FSTL5: variants seen among roughly 807,000 people sequenced by gnomAD.
FSTL5 encodes follistatin-related protein 5.
A neutral mutation model predicts 89.1 loss-of-function variants in FSTL5; 62 were observed. That is an observed-to-expected ratio of 0.70 (90% CI 0.57 to 0.86). The LOEUF (loss-of-function observed/expected upper bound fraction) is 0.86, where lower values mean the gene tolerates loss of function less well. Among genes scored for constraint, FSTL5 ranks in the 40% least tolerant of loss-of-function variants. The probability of loss-of-function intolerance (pLI) is 0.00; values close to 1 mark genes in which losing one functional copy is unlikely to be tolerated. For synonymous variants in FSTL5, 383 were observed against 346.2 expected, an observed-to-expected ratio of 1.11 and a Z score of -1.18; for missense variants, 1,057 against 1,001.6, an observed-to-expected ratio of 1.06 and a Z score of -0.75.
intron 7 of FSTL5, among the ~76,000 whole-genome samples, chr4:161,592,385 C>T (rs1733849985): frequency 6.6e-6 from 1 of 152,034 alleles, no homozygotes; most frequent in African/African-American, 2.4e-5. Context: ...ATCAACTCGT[C>T]ATCTACATTA....
At chr4:161,876,118 C>G (rs1409119962) in intron 4 of FSTL5, among the ~76,000 whole-genome samples, 1 of 152,056 alleles carries the variant, frequency 6.6e-6, no homozygotes, top group African/African-American at 2.4e-5. Context: ...ACGTATTTAT[C>G]AGACATAAAT....
At chr4:161,647,411 T>C (rs1367834233) in intron 7 of FSTL5, among the ~76,000 whole-genome samples, 1 of 152,148 alleles carries the variant, frequency 6.6e-6, no homozygotes, top group East Asian at 1.9e-4. Flanking sequence ...AGTTTTGAAA[T>C]AAGGAAATGA....
intron 2 of FSTL5, among the ~76,000 whole-genome samples, chr4:162,046,336 G>C (rs1738176589): frequency 6.6e-6 from 1 of 152,068 alleles, no homozygotes; most frequent in Non-Finnish European, 1.5e-5. Context: ...TGAGTTATGG[G>C]GTAAAGGGAG....
intron 15 of FSTL5, among the ~76,000 whole-genome samples, chr4:161,424,629 T>C (rs1732110280): frequency 6.6e-6 from 1 of 152,170 alleles, no homozygotes; most frequent in Non-Finnish European, 1.5e-5. Context: ...CTTATTTTTC[T>C]CCAAAATTCA....
intron 6 of FSTL5, among the ~76,000 whole-genome samples, chr4:161,751,145 C>A (rs1424670597): frequency 1.3e-5 from 2 of 151,912 alleles, no homozygotes; most frequent in African/African-American, 2.4e-5. Flanking sequence ...TAGTGGTATC[C>A]CATTAAGGTA....
At chr4:161,658,473 A>G (rs140151699) in intron 6 of FSTL5, among the ~76,000 whole-genome samples, 2 of 151,772 alleles carry the variant, frequency 1.3e-5, no homozygotes, top group Non-Finnish European at 2.9e-5. Context: ...AAAAAAAAAT[A>G]GGGAATATTT....
At chr4:161,501,769 T>G (rs1366047876) in intron 11 of FSTL5, among the ~76,000 whole-genome samples, 1 of 151,962 alleles carries the variant, frequency 6.6e-6, no homozygotes, top group African/African-American at 2.4e-5. Context: ...CAGCTATTAT[T>G]TATAATCATA....
At chr4:161,710,959 C>G (rs1738756786) in intron 6 of FSTL5, among the ~76,000 whole-genome samples, 2 of 151,424 alleles carry the variant, frequency 1.3e-5, no homozygotes, top group Non-Finnish European at 2.9e-5. Context: ...AAGAAGAAAT[C>G]AAAAAAACAT....
Position 161,453,743 on chromosome 4 carries a change from C to G in FSTL5, c.1841+1261G>C, listed in dbSNP as rs112144920. Among the ~76,000 whole-genome samples, 220 of 152,134 alleles carry G rather than the reference C, an allele frequency of 1.4e-3. 2 individuals carry two copies. Among genetic ancestry groups the G allele is most frequent in the African/African-American group, 5.0e-3 (207 of 41,510 alleles). ...ACGAGCAGCTGGGACTACAGACATG[C>G]ACCACCATGTCGGCTAATTTTTGTA... On this transcript the variant is annotated intron_variant, in intron 15 of 15. Transcript: ENST00000306100.
intron 3 of FSTL5, among the ~76,000 whole-genome samples, chr4:161,946,689 A>G (rs1734742689): frequency 6.6e-6 from 1 of 152,196 alleles, no homozygotes. Context: ...GATAATATGA[A>G]TAAAGCTGCT....
chr4:161,655,120 T>C (rs1198047738), intron 7 of FSTL5, among the ~76,000 whole-genome samples: 2 of 152,220 alleles, frequency 1.3e-5, no homozygotes, highest in Admixed American at 6.5e-5. Context: ...AAAAAGTGTC[T>C]TTATTGTCTT....
intron 4 of FSTL5, among the ~76,000 whole-genome samples, chr4:161,847,799 G>T (rs1339488048): frequency 6.6e-6 from 1 of 151,922 alleles, no homozygotes; most frequent in South Asian, 2.1e-4. Context: ...GACTTTGGGA[G>T]GCCAGGGCGG....
intron 4 of FSTL5, among the ~76,000 whole-genome samples, chr4:161,893,521 AT>A (rs1351786385): frequency 6.6e-6 from 1 of 152,176 alleles, no homozygotes; most frequent in Non-Finnish European, 1.5e-5. Flanking sequence ...AACCACTGGC[AT>A]TATCAGAATG....
chr4:161,522,249 G>A (rs1344918399), intron 10 of FSTL5, among the ~76,000 whole-genome samples: 3 of 152,194 alleles, frequency 2.0e-5, no homozygotes, highest in African/African-American at 7.2e-5. Flanking sequence ...AAGTGACAGA[G>A]ACAGCAAGAA....
intron 4 of FSTL5, among the ~76,000 whole-genome samples, chr4:161,904,481 A>C (rs1733463911): frequency 6.6e-6 from 1 of 152,042 alleles, no homozygotes; most frequent in African/African-American, 2.4e-5. Context: ...TTTTCTCAGA[A>C]TAAGAATACA....
At chr4:162,143,131 G>A (rs1579060845) in intron 1 of FSTL5, among the ~76,000 whole-genome samples, 1 of 151,756 alleles carries the variant, frequency 6.6e-6, no homozygotes, top group East Asian at 1.9e-4. Context: ...CTGATTATAG[G>A]TAACATTAGA....
At chr4:161,660,511 G>T (rs549775855) in intron 6 of FSTL5, among the ~76,000 whole-genome samples, 15 of 152,186 alleles carry the variant, frequency 9.9e-5, no homozygotes, top group African/African-American at 3.6e-4. Flanking sequence ...ACATGTATGG[G>T]TTTGTTACAT....
chr4:161,629,878 A>G (rs563038824), intron 7 of FSTL5, among the ~76,000 whole-genome samples: 15 of 152,302 alleles, frequency 9.8e-5, no homozygotes, highest in African/African-American at 3.4e-4. Context: ...CCCCTGAACG[A>G]CAGAGTTGGC....
At chr4:161,892,943 G>A (rs1733035551) in intron 4 of FSTL5, among the ~76,000 whole-genome samples, 1 of 151,970 alleles carries the variant, frequency 6.6e-6, no homozygotes, top group Non-Finnish European at 1.5e-5. Context: ...TAGTTTGTAT[G>A]TTCATATCTT....
Sources: allele counts gnomAD v4.1 joint callset (sites outside exome capture counted in the v4.1 genomes callset), GRCh38; gene constraint gnomAD v4.1.1; transcripts MANE v1.5; gene names NCBI Gene and HGNC (gene_info 2026-07-23, HGNC 2026-07-21).